Variants in BNC2 observed in about 807,000 individuals in gnomAD.
BNC2 encodes the protein basonuclin zinc finger protein 2.
BNC2 carries 20 observed loss-of-function variants against 76.3 expected under a neutral mutation model. That is an observed-to-expected ratio of 0.26 (90% confidence interval 0.18 to 0.38). BNC2 has a LOEUF of 0.38. BNC2 is among the 10% of genes least tolerant of loss of function. BNC2 has a pLI of 1.00. For missense variants in BNC2, 1,382 were observed against 1,399.8 expected (o/e 0.99, Z 0.20); for synonymous variants, 582 against 514.8 (o/e 1.13, Z -1.77).
At chr9:16,591,183 G>C (rs1043445018) in intron 3 of BNC2, among the ~76,000 whole-genome samples, 1 of 152,160 alleles carries the variant, frequency 6.6e-6, no homozygotes, top group African/African-American at 2.4e-5. Context: ...TCACAATACA[G>C]CTTGAGCGAA....
chr9:16,824,648 A>G (rs1818411484), intron 1 of BNC2, among the ~76,000 whole-genome samples: 2 of 152,146 alleles, frequency 1.3e-5, no homozygotes, highest in South Asian at 4.1e-4. Flanking sequence ...GGCCCAGCTA[A>G]TGCCATGCCT....
In BNC2 at chr9:16,418,860, A is replaced by G. The variant is rs2119025041; in HGVS notation, c.*129T>C. ...TACGTGTGTGTATATGTAGCCACAGAGCATACATAAATGCACACACACACA... is the reference window on the plus strand; with the variant it reads ...TACGTGTGTGTATATGTAGCCACAGGGCATACATAAATGCACACACACACA... On this transcript the variant is annotated 3_prime_UTR_variant, in exon 7 of 7. Transcript: ENST00000380672. 5 of 872,842 alleles carry G rather than the reference A, an allele frequency of 5.7e-6. No homozygotes were observed. In the East Asian group the frequency reaches 1.7e-4, roughly 30 times the overall value. The allele number at this position is 872,842 out of a possible 1,614,324, so 54.1% of individuals were successfully genotyped here. A position where few individuals can be genotyped will look rare whatever the true frequency, so the allele number is the denominator to read the frequency against.
rs188088140 is a variant in BNC2, at chr9:16,518,831, C to T, written c.669+33699G>A. Among the ~76,000 whole-genome samples the T allele has an allele frequency of 6.2e-3, 942 of 152,264 alleles. 7 individuals carry two copies. Among genetic ancestry groups the T allele is most frequent in the Non-Finnish European group, 9.0e-3 (615 of 68,026 alleles). On this transcript the variant is annotated intron_variant, in intron 5 of 6. Transcript: ENST00000380672. ...GGTCAGGCTGGTCCCGATCTCCTGACCTCAGGCAATCCACCTGCCTCGGCC... is the reference window on the plus strand; with the variant it reads ...GGTCAGGCTGGTCCCGATCTCCTGATCTCAGGCAATCCACCTGCCTCGGCC...
intron 1 of BNC2, among the ~76,000 whole-genome samples, chr9:16,790,298 T>A (rs1274040979): frequency 6.6e-6 from 1 of 152,176 alleles, no homozygotes; most frequent in Non-Finnish European, 1.5e-5. Flanking sequence ...TGCCTGGCCA[T>A]GAAATGATTT....
intron 1 of BNC2, among the ~76,000 whole-genome samples, chr9:16,833,764 T>C (rs980131618): frequency 3.3e-5 from 5 of 152,198 alleles, no homozygotes; most frequent in Admixed American, 6.5e-5. Context: ...GAAAATCATG[T>C]GAACTCAAAC....
rs150587404 is a variant in BNC2, at chr9:16,713,613, T to C, written c.330+14184A>G. 8.7e-4 allele frequency among the ~76,000 whole-genome samples: 133 copies of C among 152,266 alleles called. 1 individual carries two copies. The highest frequency in any genetic ancestry group is 1.7e-3 in the Non-Finnish European group (113 of 68,006). Reference sequence around the variant, plus strand: ...ATGTAGATGGTTGGTGCCACTGTCATGCCTATACAAAAGTATGTCAACTTA... The same window carrying C: ...ATGTAGATGGTTGGTGCCACTGTCACGCCTATACAAAAGTATGTCAACTTA... On this transcript the variant is annotated intron_variant, in intron 3 of 6. Coordinates refer to ENST00000380672, the MANE Select transcript of BNC2 (RefSeq NM_017637.6).
chr9:16,794,421 G>A (rs1417388150), intron 1 of BNC2, among the ~76,000 whole-genome samples: 2 of 152,090 alleles, frequency 1.3e-5, no homozygotes, highest in Non-Finnish European at 1.5e-5. Flanking sequence ...GTTTCCAACC[G>A]CCACCCCCAG....
intron 3 of BNC2, among the ~76,000 whole-genome samples, chr9:16,687,100 TAA>T (rs1283833220): frequency 6.6e-6 from 1 of 152,056 alleles, no homozygotes; most frequent in Non-Finnish European, 1.5e-5. Context: ...TTAGAGTAGG[TAA>T]ATAACTAGCT....
At chr9:16,604,746 T>C (rs894125507) in intron 3 of BNC2, among the ~76,000 whole-genome samples, 1 of 152,050 alleles carries the variant, frequency 6.6e-6, no homozygotes, top group African/African-American at 2.4e-5. Context: ...GAGGTTGCAG[T>C]GAGCCGAGAT....
intron 1 of BNC2, among the ~76,000 whole-genome samples, chr9:16,757,263 G>A (rs563525749): frequency 1.8e-4 from 28 of 152,194 alleles, no homozygotes; most frequent in Admixed American, 3.3e-4. Flanking sequence ...TTTATTATAC[G>A]TATTTACAGT....
chr9:16,807,977 A>T (rs1485692355), intron 1 of BNC2, among the ~76,000 whole-genome samples: 2 of 152,224 alleles, frequency 1.3e-5, no homozygotes, highest in Non-Finnish European at 2.9e-5. Context: ...CAAGATAATT[A>T]ACTTTCTGAG....
intron 5 of BNC2, among the ~76,000 whole-genome samples, chr9:16,526,785 T>C (rs1468435250): frequency 1.3e-5 from 2 of 152,172 alleles, no homozygotes; most frequent in Non-Finnish European, 2.9e-5. Flanking sequence ...TTATTGAGAT[T>C]CTATGACACT....
intron 3 of BNC2, among the ~76,000 whole-genome samples, chr9:16,713,908 C>T (rs962433495): frequency 6.6e-6 from 1 of 152,162 alleles, no homozygotes; most frequent in African/African-American, 2.4e-5. Flanking sequence ...AACCCTATCT[C>T]TACAAAAAAT....
At chr9:16,714,311 T>C (rs1587345321) in intron 3 of BNC2, among the ~76,000 whole-genome samples, 1 of 152,238 alleles carries the variant, frequency 6.6e-6, no homozygotes, top group Admixed American at 6.5e-5. Flanking sequence ...TAAAGGGGTA[T>C]ATTCTTTTAT....
intron 3 of BNC2, among the ~76,000 whole-genome samples, chr9:16,604,388 A>C (rs1462246148): frequency 6.6e-6 from 1 of 152,270 alleles, no homozygotes; most frequent in Admixed American, 6.5e-5. Context: ...AATGCAAAGC[A>C]AAACTCATAA....
intron 5 of BNC2, among the ~76,000 whole-genome samples, chr9:16,462,340 C>A (rs982538604): frequency 2.0e-5 from 3 of 152,154 alleles, no homozygotes; most frequent in Non-Finnish European, 2.9e-5. Flanking sequence ...GAGCCATCTC[C>A]TGAGATTCTG....
rs1330749204 is a variant in BNC2 at position 16,727,777 on chromosome 9, CAAGA to C, written c.330+16_330+19del. The C allele has an allele frequency of 1.6e-5, 25 of 1,589,066 alleles. No homozygotes were observed. The highest frequency in any genetic ancestry group is 2.1e-5 in the Non-Finnish European group (24 of 1,168,208). On this transcript the variant is annotated intron_variant, in intron 3 of 6. Coordinates refer to ENST00000380672, the MANE Select transcript of BNC2 (RefSeq NM_017637.6). ...TTCTTAAAAAAAAGAAAAAAAAAATCAAGAAAGAAAGTAACTTACCTGTTGGGAC... is the reference window on the plus strand; with the variant it reads ...TTCTTAAAAAAAAGAAAAAAAAAATCAAGAAAGTAACTTACCTGTTGGGAC...
intron 5 of BNC2, among the ~76,000 whole-genome samples, chr9:16,510,277 A>C (rs1822722267): frequency 6.6e-6 from 1 of 152,222 alleles, no homozygotes; most frequent in Non-Finnish European, 1.5e-5. Context: ...GCCTCCTGCT[A>C]GGCCTGCATC....
chr9:16,765,849 CGATCTCGGCTCACTGCAA>C (rs1825676448), intron 1 of BNC2, among the ~76,000 whole-genome samples: 1 of 151,160 alleles, frequency 6.6e-6, no homozygotes, highest in Non-Finnish European at 1.5e-5. Flanking sequence ...TGCAGTGGCA[CGATCTCGGCTCACTGCAA>C]GCTCTGCCTC....
Sources: gnomAD v4.1 joint callset for allele counts (sites outside exome capture counted in the v4.1 genomes callset) on GRCh38, gnomAD v4.1.1 for gene constraint, MANE v1.5 for transcripts, NCBI Gene and HGNC (gene_info 2026-07-23, HGNC 2026-07-21) for gene names.